The following ESRRG variants were observed in gnomAD, a reference collection of about 807,000 sequenced individuals.
The protein encoded by ESRRG is estrogen-related receptor gamma.
In ESRRG, 13 loss-of-function variants were observed where a neutral mutation model predicts 44.0. The ratio of observed to expected loss-of-function variants is 0.30; its 90% CI spans 0.19 to 0.47. ESRRG has a LOEUF of 0.47. Ranked by LOEUF, ESRRG falls within the 20% of genes least tolerant of loss-of-function variation. ESRRG has a pLI of 1.00. For missense variants in ESRRG, 395 were observed against 580.6 expected (o/e 0.68, Z 3.29); for synonymous variants, 215 against 214.6 (o/e 1.00, Z -0.02).
At chr1:216,743,051 A>G (rs1049573947) in intron 2 of ESRRG, among the ~76,000 whole-genome samples, 3 of 152,160 alleles carry the variant, frequency 2.0e-5, no homozygotes, top group African/African-American at 7.2e-5. Context: ...TGCTTAATGG[A>G]GTGAATTCCT....
chr1:216,805,579 C>T (rs903994180), intron 2 of ESRRG, among the ~76,000 whole-genome samples: 2 of 152,118 alleles, frequency 1.3e-5, no homozygotes, highest in Non-Finnish European at 2.9e-5. Context: ...ATAAATATCA[C>T]ACTGTCCAAT....
At chr1:216,514,054 A>C (rs559017063) in intron 6 of ESRRG, among the ~76,000 whole-genome samples, 41 of 152,148 alleles carry the variant, frequency 2.7e-4, no homozygotes, top group Non-Finnish European at 4.7e-4. Context: ...ACTCAGGTAA[A>C]TACCTTTGGA....
chr1:216,955,215 C>A (rs914163405), intron 1 of ESRRG, among the ~76,000 whole-genome samples: 3 of 152,090 alleles, frequency 2.0e-5, no homozygotes. Flanking sequence ...CCCCTCCCAG[C>A]CTCTTATAAC....
At chr1:217,118,204 T>C (rs1323597003) in intron 1 of ESRRG, among the ~76,000 whole-genome samples, 1 of 152,180 alleles carries the variant, frequency 6.6e-6, no homozygotes, top group Non-Finnish European at 1.5e-5. Flanking sequence ...GCTATACCAC[T>C]AGTAAATAGC....
At chr1:216,858,865 G>A (rs2096001174) in intron 2 of ESRRG, among the ~76,000 whole-genome samples, 1 of 152,142 alleles carries the variant, frequency 6.6e-6, no homozygotes, top group South Asian at 2.1e-4. Flanking sequence ...GTGAAGCCAG[G>A]TTAAGAGATG....
chr1:216,930,104 C>CT (rs751960405), intron 2 of ESRRG, among the ~76,000 whole-genome samples: 97 of 152,310 alleles, frequency 6.4e-4, no homozygotes, highest in Admixed American at 4.6e-4. Flanking sequence ...ATCTTCCTTT[C>CT]TGACTCACAT....
At chr1:217,134,002 A>G in intron 1 of ESRRG, among the ~76,000 whole-genome samples, 1 of 152,012 alleles carries the variant, frequency 6.6e-6, no homozygotes, top group East Asian at 1.9e-4. Context: ...AGTGGCAGAA[A>G]CTTGTTTCTG....
chr1:216,646,029 T>A (rs1574679937), intron 3 of ESRRG, among the ~76,000 whole-genome samples: 1 of 152,094 alleles, frequency 6.6e-6, no homozygotes, highest in Non-Finnish European at 1.5e-5. Flanking sequence ...CTCTTCTTCC[T>A]CCTCTTCCTT....
At chr1:216,733,248 ATT>A (rs55691102) in intron 2 of ESRRG, among the ~76,000 whole-genome samples, 10 of 138,848 alleles carry the variant, frequency 7.2e-5, no homozygotes, top group Non-Finnish European at 7.8e-5. Flanking sequence ...GTATAAGGGC[ATT>A]TTTTTTTTTT....
chr1:216,841,760 T>C (rs2095657095), intron 2 of ESRRG, among the ~76,000 whole-genome samples: 1 of 152,154 alleles, frequency 6.6e-6, no homozygotes, highest in Non-Finnish European at 1.5e-5. Flanking sequence ...GGTTCTAACA[T>C]AAAACCTTTG....
chr1:216,830,444 G>T (rs1327996098), intron 2 of ESRRG, among the ~76,000 whole-genome samples: 1 of 152,170 alleles, frequency 6.6e-6, no homozygotes, highest in East Asian at 1.9e-4. Flanking sequence ...TAACAAGTGG[G>T]TTCAAAAAGG....
intron 2 of ESRRG, among the ~76,000 whole-genome samples, chr1:216,745,012 G>A (rs1201690021): frequency 2.0e-5 from 3 of 152,158 alleles, no homozygotes; most frequent in African/African-American, 4.8e-5. Context: ...TGCTGGCTGA[G>A]CCATGAGAGA....
chr1:216,802,577 T>C (rs2094657199), intron 2 of ESRRG, among the ~76,000 whole-genome samples: 1 of 152,162 alleles, frequency 6.6e-6, no homozygotes, highest in Non-Finnish European at 1.5e-5. Flanking sequence ...AATTTCAAGA[T>C]GGCAACAGCA....
At position 217,037,875 on chromosome 1, in the gene ESRRG, C is replaced by T. The variant is rs139341192; in HGVS notation, c.-106+51632G>A. On this transcript the variant is annotated intron_variant, in intron 1 of 7. Coordinates refer to the ESRRG transcript ENST00000359162. Reference sequence around the variant, plus strand: ...TGGCCAAAACGAAGGAGCAACAGGCCCCATGCAAGTCCGAAATCCAGTGGG... The same window carrying T: ...TGGCCAAAACGAAGGAGCAACAGGCTCCATGCAAGTCCGAAATCCAGTGGG... 9.1e-4 allele frequency among the ~76,000 whole-genome samples: 138 copies of T among 152,204 alleles called. 1 individual carries two copies. In the East Asian group the frequency reaches 0.017, roughly 18 times the overall value.
At chr1:216,529,395 T>C (rs2048616386) in intron 5 of ESRRG, among the ~76,000 whole-genome samples, 2 of 152,252 alleles carry the variant, frequency 1.3e-5, no homozygotes, top group Non-Finnish European at 1.5e-5. Context: ...AAAATAGAGA[T>C]ATGAGGAGAA....
At chr1:216,862,402 T>G (rs890609561) in intron 2 of ESRRG, 1 of 152,004 alleles carries the variant, frequency 6.6e-6, no homozygotes, top group African/African-American at 2.4e-5. Flanking sequence ...TTTTTGTATT[T>G]TTAGTAGAGA....
At chr1:216,578,727 C>A (rs2062149310) in intron 3 of ESRRG, among the ~76,000 whole-genome samples, 1 of 152,034 alleles carries the variant, frequency 6.6e-6, no homozygotes, top group Non-Finnish European at 1.5e-5. Flanking sequence ...GAAAAAACAG[C>A]AGAGATTACG....
rs149617797 is a variant in ESRRG, at chr1:216,934,109, G to A, written c.-14+5473C>T. On this transcript the variant is annotated intron_variant, in intron 2 of 7. Transcript: ENST00000359162. ...TTTCTCCCAAAGTTAGATGATATTT[G>A]TGTATTAGTCTGTTCTCACGCTGCT... 5.3e-3 allele frequency among the ~76,000 whole-genome samples: 807 copies of A among 152,224 alleles called. 5 individuals carry two copies. The highest frequency in any genetic ancestry group is 8.5e-3 in the Non-Finnish European group (577 of 68,018).
At chr1:216,709,055 G>C (rs906642874) in intron 1 of ESRRG, among the ~76,000 whole-genome samples, 1 of 151,992 alleles carries the variant, frequency 6.6e-6, no homozygotes, top group African/African-American at 2.4e-5. Flanking sequence ...ACACACACTG[G>C]GGCCTGCAGG....
Sources: allele counts gnomAD v4.1 joint callset (sites outside exome capture counted in the v4.1 genomes callset), GRCh38; gene constraint gnomAD v4.1.1; transcripts MANE v1.5; gene names NCBI Gene and HGNC (gene_info 2026-07-23, HGNC 2026-07-21).